The following RBFOX3 variants were observed in gnomAD, a reference collection of about 807,000 sequenced individuals.
The protein encoded by RBFOX3 is RNA binding fox-1 homolog 3.
Under a neutral mutation model 48.7 loss-of-function variants are expected in RBFOX3, and 17 were observed. The ratio of observed to expected loss-of-function variants is 0.35; its 90% CI spans 0.24 to 0.52. The LOEUF is 0.52. Ranked by LOEUF, RBFOX3 falls within the 20% of genes least tolerant of loss-of-function variation. The pLI, the probability that RBFOX3 is intolerant of heterozygous loss-of-function variation, is 0.94. For synonymous variants in RBFOX3, 212 were observed against 209.5 expected (o/e 1.01, Z -0.10); for missense variants, 382 against 497.5 (o/e 0.77, Z 2.21).
intron 4 of RBFOX3, among the ~76,000 whole-genome samples, chr17:79,148,902 T>A (rs531304009): frequency 6.6e-6 from 1 of 152,230 alleles, no homozygotes; most frequent in South Asian, 2.1e-4. Context: ...CCTGAGTTTG[T>A]AAGGTCATGG....
chr17:79,214,999 G>A lies in RBFOX3; in HGVS notation c.-34+20767C>T, dbSNP rs952487620. Among the ~76,000 whole-genome samples the A allele has an allele frequency of 2.6e-5, 4 of 152,098 alleles. No homozygotes were observed. Among genetic ancestry groups the A allele is most frequent in the Non-Finnish European group, 4.4e-5 (3 of 68,012 alleles). On this transcript the variant is annotated intron_variant, in intron 4 of 14. Coordinates refer to ENST00000693108, the MANE Select transcript of RBFOX3 (RefSeq NM_001350451.2). This position sits in a 1 kb window ranked among gnomAD's most constrained non-coding sequence, Gnocchi z 4.7. ...ACCCGCTGGTGCTGCCCCCACACCC[G>A]TCACTCCTGCACAAGACCCAGCGGC...
chr17:79,620,780 C>T, the RBFOX3 span, among the ~76,000 whole-genome samples: 1 of 152,192 alleles, frequency 6.6e-6, no homozygotes, highest in Non-Finnish European at 1.5e-5. Flanking sequence ...CTGGGGGTTC[C>T]TCAATGGTCC....
intron 2 of RBFOX3, among the ~76,000 whole-genome samples, chr17:79,456,577 T>C (rs1367941614): frequency 6.6e-6 from 1 of 152,134 alleles, no homozygotes. Context: ...CTTCTAACCA[T>C]ATACCAGACC....
chr17:79,111,597 G>A lies in RBFOX3; in HGVS notation c.222+3897C>T, dbSNP rs370235444. Among the ~76,000 whole-genome samples, 161 of 152,296 alleles carry A rather than the reference G, an allele frequency of 1.1e-3. 4 individuals are homozygous for A. The South Asian group carries it at 0.031, about 30-fold the overall frequency. ...ATTACAGGCACGAGCCACCATGCCC[G>A]ATTAATTTTTGTATTTTTGTAGAGA... On this transcript the variant is annotated intron_variant, in intron 5 of 14. Transcript: ENST00000693108. The surrounding 1 kb of genome is among the most constrained non-coding windows in gnomAD (Gnocchi z 4.2).
intron 3 of RBFOX3, among the ~76,000 whole-genome samples, chr17:79,296,182 G>T (rs1258327472): frequency 6.6e-6 from 1 of 152,100 alleles, no homozygotes; most frequent in African/African-American, 2.4e-5. Context: ...GCTCCCCAGT[G>T]TACAGACGCA....
At chr17:79,520,333 G>A (rs1182311393) in intron 1 of RBFOX3, among the ~76,000 whole-genome samples, 3 of 152,226 alleles carry the variant, frequency 2.0e-5, no homozygotes, top group Non-Finnish European at 2.9e-5. Context: ...GTGCAGGGCA[G>A]CTGCCAACCT....
chr17:79,573,849 C>G (rs923418651), intron 1 of RBFOX3, among the ~76,000 whole-genome samples: 5 of 152,162 alleles, frequency 3.3e-5, no homozygotes, highest in African/African-American at 1.2e-4. Flanking sequence ...CACGCGGGCA[C>G]GTTCACCAGC....
chr17:79,611,157 T>TCTCTCTCTCTCTCTCTCTCTCTCTCTCTC (rs2093962798), upstream of RBFOX3, among the ~76,000 whole-genome samples: 2 of 24,890 alleles, frequency 8.0e-5, no homozygotes, highest in African/African-American at 1.9e-4. Context: ...TCTCTCTCTC[T>TCTCTCTCTCTCTCTCTCTCTCTCTCTCTC]CTCTCTCTCT....
intron 2 of RBFOX3, among the ~76,000 whole-genome samples, chr17:79,440,584 G>A (rs935980013): frequency 6.6e-6 from 1 of 152,086 alleles, no homozygotes; most frequent in South Asian, 2.1e-4. Flanking sequence ...CTCATTGGCC[G>A]TCCCCACTGG....
intron 4 of RBFOX3, among the ~76,000 whole-genome samples, chr17:79,176,974 G>C (rs1421465969): frequency 6.6e-6 from 1 of 152,162 alleles, no homozygotes; most frequent in African/African-American, 2.4e-5. Context: ...TCTCCTTCAC[G>C]GAGGTCCCAG....
At chr17:79,445,763 T>A (rs1176614038) in intron 2 of RBFOX3, among the ~76,000 whole-genome samples, 1 of 152,204 alleles carries the variant, frequency 6.6e-6, no homozygotes, top group Admixed American at 6.5e-5. Context: ...GGTGTTGCCC[T>A]GTTTTATTGC....
At chr17:79,551,532 CGGGT>C (rs1237619436) in intron 1 of RBFOX3, among the ~76,000 whole-genome samples, 1 of 107,714 alleles carries the variant, frequency 9.3e-6, no homozygotes, top group African/African-American at 3.4e-5. Context: ...GATGGATGGA[CGGGT>C]GGGTGGGTGG....
the RBFOX3 span, among the ~76,000 whole-genome samples, chr17:79,657,390 G>A: frequency 6.6e-6 from 1 of 152,172 alleles, no homozygotes; most frequent in South Asian, 2.1e-4. Flanking sequence ...ATAAAGAACA[G>A]AGCTGGAGCT....
chr17:79,621,203 T>C, the RBFOX3 span, among the ~76,000 whole-genome samples: 1 of 152,014 alleles, frequency 6.6e-6, no homozygotes, highest in Admixed American at 6.6e-5. Flanking sequence ...TTCACCATGC[T>C]GGCCAGGCGG....
At chr17:79,614,546 C>T (rs1371313766), upstream of RBFOX3, among the ~76,000 whole-genome samples, 2 of 152,112 alleles carry the variant, frequency 1.3e-5, no homozygotes, top group African/African-American at 4.8e-5. Flanking sequence ...GAGAAGGAGC[C>T]GCCAAAACAC....
Position 79,252,447 on chromosome 17 carries a change from C to T in RBFOX3, c.-73-16642G>A, listed in dbSNP as rs937166538. Among the ~76,000 whole-genome samples, 1 of 152,268 alleles carries T rather than the reference C, an allele frequency of 6.6e-6. No individual in the cohort carries two copies. Among genetic ancestry groups the T allele is most frequent in the South Asian group, 2.1e-4 (1 of 4,816 alleles). On this transcript the variant is annotated intron_variant, in intron 3 of 14. Coordinates refer to ENST00000693108, the MANE Select transcript of RBFOX3 (RefSeq NM_001350451.2). The surrounding 1 kb of genome is among the most constrained non-coding windows in gnomAD (Gnocchi z 4.0). ...AAGTCAGCTGGGGTCCACTCTGACC[C>T]TCCCTCTCTTCCTCCCCCATCCTCC...
At chr17:79,348,636 A>G (rs572053812) in intron 2 of RBFOX3, among the ~76,000 whole-genome samples, 1 of 123,616 alleles carries the variant, frequency 8.1e-6, no homozygotes, top group South Asian at 2.7e-4. Context: ...GCTGGAGTGC[A>G]GTAGTGCCAT....
At chr17:79,184,387 G>C (rs977419761) in intron 4 of RBFOX3, among the ~76,000 whole-genome samples, 1 of 152,178 alleles carries the variant, frequency 6.6e-6, no homozygotes, top group Admixed American at 6.5e-5. Flanking sequence ...CGGGACAGGC[G>C]TGCATAGGTC....
intron 2 of RBFOX3, among the ~76,000 whole-genome samples, chr17:79,430,464 G>T (rs1157444466): frequency 1.3e-5 from 2 of 152,114 alleles, no homozygotes; most frequent in African/African-American, 2.4e-5. Context: ...AATCAGAAAG[G>T]TGATTTCAGT....
Sources: allele counts gnomAD v4.1 joint callset (sites outside exome capture counted in the v4.1 genomes callset), GRCh38; gene constraint gnomAD v4.1.1; non-coding constraint Gnocchi (gnomAD v3.1); transcripts MANE v1.5; gene names NCBI Gene and HGNC (gene_info 2026-07-23, HGNC 2026-07-21).